The following FGD4 variants were observed in gnomAD, a reference collection of about 807,000 sequenced individuals.
FGD4 encodes FYVE, RhoGEF and PH domain containing 4.
FGD4 carries 42 observed loss-of-function variants against 102.0 expected under a neutral mutation model. That is an observed-to-expected ratio of 0.41 (90% CI 0.32 to 0.53). The LOEUF (loss-of-function observed/expected upper bound fraction) is 0.53, where lower values mean the gene tolerates loss of function less well. FGD4 is among the 20% of genes least tolerant of loss of function. The pLI is 0.21. For synonymous variants in FGD4, 380 were observed against 375.7 expected (o/e 1.01, Z -0.13); for missense variants, 902 against 1,078.2 (o/e 0.84, Z 2.29).
Position 32,564,134 on chromosome 12 carries a change from C to A in FGD4, c.167-3C>A. 1.3e-6 allele frequency: 2 copies of A among 1,534,340 alleles called. No individual in the cohort carries two copies. Among genetic ancestry groups the A allele is most frequent in the South Asian group, 1.2e-5 (1 of 83,734 alleles). On this transcript the variant is annotated splice_polypyrimidine_tract_variant and splice_region_variant and intron_variant, in intron 1 of 16. Transcript: ENST00000534526. ...CCTGCCCTTTCTTTCTGAACTCTTG[C>A]AGGCAGCAGTACCTGTCCAAAGATC...
chr12:32,459,941 A>G (rs1315707496), intron 1 of FGD4, among the ~76,000 whole-genome samples: 3 of 151,956 alleles, frequency 2.0e-5, no homozygotes, highest in Admixed American at 2.0e-4. Flanking sequence ...TCCTGACTCA[A>G]GTGATCCCCC....
intron 10 of FGD4, among the ~76,000 whole-genome samples, chr12:32,614,982 C>G (rs1157694097): frequency 6.6e-6 from 1 of 152,110 alleles, no homozygotes; most frequent in Non-Finnish European, 1.5e-5. Context: ...TTTTATAACT[C>G]AAGAAAATTG....
intron 1 of FGD4, among the ~76,000 whole-genome samples, chr12:32,454,958 A>G (rs982866941): frequency 6.6e-6 from 1 of 152,240 alleles, no homozygotes; most frequent in Non-Finnish European, 1.5e-5. Context: ...GCTTTGACCT[A>G]CTTAGAATGG....
chr12:32,481,539 T>A (rs1261524438), intron 1 of FGD4, among the ~76,000 whole-genome samples: 1 of 150,836 alleles, frequency 6.6e-6, no homozygotes, highest in Non-Finnish European at 1.5e-5. Context: ...AAAATGAACA[T>A]CAGCCGGGTG....
intron 1 of FGD4, among the ~76,000 whole-genome samples, chr12:32,528,226 C>T (rs1358617963): frequency 6.6e-6 from 1 of 152,138 alleles, no homozygotes; most frequent in Non-Finnish European, 1.5e-5. Context: ...CGTGAGCCAC[C>T]GCACTGGGCT....
intron 1 of FGD4, among the ~76,000 whole-genome samples, chr12:32,467,396 C>A (rs1427024448): frequency 6.6e-6 from 1 of 152,138 alleles, no homozygotes; most frequent in East Asian, 1.9e-4. Context: ...AGTCTTACCT[C>A]TTTTGGATGC....
chr12:32,496,136 C>T (rs1937802936), intron 1 of FGD4, among the ~76,000 whole-genome samples: 1 of 152,164 alleles, frequency 6.6e-6, no homozygotes, highest in Non-Finnish European at 1.5e-5. Context: ...TTCAAAAATG[C>T]AACCCTGTAG....
At chr12:32,611,391 G>A (rs1199052081) in intron 10 of FGD4, 108 bp downstream of exon 10, 1 of 1,317,082 alleles carries the variant, frequency 7.6e-7, no homozygotes, top group East Asian at 2.5e-5. Flanking sequence ...CGAGGCGAGT[G>A]GATCTCCTGA....
At chr12:32,409,271 C>A (rs890601928) in intron 1 of FGD4, among the ~76,000 whole-genome samples, 1 of 149,046 alleles carries the variant, frequency 6.7e-6, no homozygotes, top group Non-Finnish European at 1.5e-5. Context: ...TTCCTCCCCC[C>A]AGTAATTTTT....
At chr12:32,502,198 A>C (rs1938272027) in intron 1 of FGD4, 1 of 985,330 alleles carries the variant, frequency 1.0e-6, no homozygotes, top group African/African-American at 1.7e-5. Flanking sequence ...AAAGCAGGGG[A>C]GCCTGTGCTG....
chr12:32,630,093 G>T (rs191288363), intron 14 of FGD4, among the ~76,000 whole-genome samples: 44 of 152,196 alleles, frequency 2.9e-4, no homozygotes, highest in African/African-American at 1.0e-3. Flanking sequence ...CCCAAGCTTT[G>T]TTTGCTCTAT....
chr12:32,531,611 C>T (rs1475147786), intron 1 of FGD4, among the ~76,000 whole-genome samples: 1 of 152,178 alleles, frequency 6.6e-6, no homozygotes, highest in African/African-American at 2.4e-5. Flanking sequence ...TTGTTCATCC[C>T]TTGTTATTGC....
intron 2 of FGD4, among the ~76,000 whole-genome samples, chr12:32,564,827 A>AG (rs778081224): frequency 6.6e-6 from 1 of 152,258 alleles, no homozygotes; most frequent in Non-Finnish European, 1.5e-5. Flanking sequence ...CCATAATGGT[A>AG]GGAAGCTTGA....
At chr12:32,455,258 T>C (rs568076931) in intron 1 of FGD4, among the ~76,000 whole-genome samples, 18 of 152,350 alleles carry the variant, frequency 1.2e-4, no homozygotes, top group South Asian at 4.1e-4. Flanking sequence ...GTTTGCTCTA[T>C]TGAAACACCT....
At chr12:32,444,594 G>A (rs1007241210) in intron 1 of FGD4, among the ~76,000 whole-genome samples, 1 of 151,680 alleles carries the variant, frequency 6.6e-6, no homozygotes, top group East Asian at 2.0e-4. Context: ...TAGTAGAGAC[G>A]GTGTTTCACC....
intron 1 of FGD4, among the ~76,000 whole-genome samples, chr12:32,488,914 G>A (rs1944001457): frequency 6.6e-6 from 1 of 152,098 alleles, no homozygotes; most frequent in African/African-American, 2.4e-5. Context: ...ACTTCCGCCT[G>A]GGTGACAGGG....
Position 32,643,111 on chromosome 12 carries a change from T to A in FGD4, c.*2578T>A, listed in dbSNP as rs1259470866. On this transcript the variant is annotated 3_prime_UTR_variant, in exon 17 of 17. Transcript: ENST00000534526. ...TAAAAAGTACTTCCTTGACAAAATT[T>A]CTATTCATTATAAAACATTTCAATA... 6.6e-6 allele frequency: 1 copy of A among 152,552 alleles called. No homozygotes were observed. The highest frequency in any genetic ancestry group is 1.5e-5 in the Non-Finnish European group (1 of 67,952). 9.4% of individuals were successfully genotyped at this position (152,552 alleles called of 1,614,324 possible). A position where few individuals can be genotyped will look rare whatever the true frequency, so the allele number is the denominator to read the frequency against.
intron 3 of FGD4, among the ~76,000 whole-genome samples, chr12:32,581,593 G>T (rs769175228): frequency 1.3e-5 from 2 of 152,102 alleles, no homozygotes; most frequent in Admixed American, 1.3e-4. Flanking sequence ...TGATAAATAC[G>T]TAAGTATTAT....
intron 1 of FGD4, among the ~76,000 whole-genome samples, chr12:32,532,882 G>A (rs535685172): frequency 1.3e-5 from 2 of 152,232 alleles, no homozygotes; most frequent in South Asian, 4.1e-4. Context: ...TAATTGTAAA[G>A]CTTATTTATT....
Sources: allele counts gnomAD v4.1 joint callset (sites outside exome capture counted in the v4.1 genomes callset), GRCh38; gene constraint gnomAD v4.1.1; transcripts MANE v1.5; gene names NCBI Gene and HGNC (gene_info 2026-07-23, HGNC 2026-07-21).